The following NCOA2 variants were observed in gnomAD, a reference collection of about 807,000 sequenced individuals.
The protein encoded by NCOA2 is nuclear receptor coactivator 2, also known as class E basic helix-loop-helix protein 75.
A neutral mutation model predicts 145.1 loss-of-function variants in NCOA2; 21 were observed. The ratio of observed to expected loss-of-function variants is 0.14; its 90% CI spans 0.10 to 0.21. NCOA2 has a LOEUF of 0.21. NCOA2 is among the 10% of genes least tolerant of loss of function. NCOA2 has a pLI of 1.00. For synonymous variants in NCOA2, 619 were observed against 637.5 expected, an observed-to-expected ratio of 0.97 and a Z score of 0.44; for missense variants, 1,472 against 1,837.6, an observed-to-expected ratio of 0.80 and a Z score of 3.64.
rs1158099589 is a variant in NCOA2, at chr8:70,124,052, A to G, written c.4125T>C (p.Phe1375=). The stretch of plus-strand genomic sequence containing the variant: ...ACATGCTGGTGTTTGCTTGCTGCCC[A>G]AAGTGTGGTGGGGACTGCTGGGAAA... ...SMFSQQSPPH[F]GQQANTSMYS... Residue 1375 remains phenylalanine (F), a synonymous_variant, in exon 21 of 23, where the codon TTT becomes TTC. Transcript: ENST00000452400. 3 of 1,613,738 alleles carry G rather than the reference A, an allele frequency of 1.9e-6. No homozygotes were observed. Among genetic ancestry groups the G allele is most frequent in the Non-Finnish European group, 8.5e-7 (1 of 1,179,820 alleles).
chr8:70,197,294 A>G (rs1422388866), intron 4 of NCOA2, among the ~76,000 whole-genome samples: 2 of 152,060 alleles, frequency 1.3e-5, no homozygotes, highest in East Asian at 1.9e-4. Context: ...CAATCAATCA[A>G]TCATAGTACT....
rs146320698 is a variant in NCOA2, at chr8:70,257,774, C to T, written c.-20+38970G>A. On this transcript the variant is annotated intron_variant, in intron 2 of 22. Transcript: ENST00000452400. ...CCAGAAAACTTTTTCCCTGTTGTCC[C>T]TTGGCTTCAATGACACTGGCAGTAT... Among the ~76,000 whole-genome samples the T allele has an allele frequency of 2.6e-5, 4 of 152,018 alleles. No homozygotes were observed. In the East Asian group the frequency reaches 7.7e-4, roughly 29 times the overall value.
At chr8:70,384,500 CTAAATA>C (rs1812491987) in intron 1 of NCOA2, among the ~76,000 whole-genome samples, 1 of 152,136 alleles carries the variant, frequency 6.6e-6, no homozygotes. Context: ...TCTGAGAAAT[CTAAATA>C]TAATCTCTTT....
chr8:70,155,984 T>C lies in NCOA2; in HGVS notation c.2381A>G (p.Glu794Gly). 6.3e-7 allele frequency: 1 copy of C among 1,579,138 alleles called. No homozygotes were observed. The highest frequency in any genetic ancestry group is 1.7e-4 in the Middle Eastern group (1 of 5,860). ...MKTEKEEMSF[E>G]PGDQPGSELD... Reference sequence around the variant, plus strand: ...GATAAAACTTACCTGGTCACCAGGCTCAAAGCTCATCTCCTCCTTCTCAGT... The same window carrying C: ...GATAAAACTTACCTGGTCACCAGGCCCAAAGCTCATCTCCTCCTTCTCAGT... The change falls in exon 11 of 23, where the codon GAG becomes GGG. Residue 794 changes from glutamate (E) to glycine (G), a missense_variant. Glu to Gly is a moderately conservative substitution (Grantham distance 98, BLOSUM62 -2). Coordinates refer to ENST00000452400, the MANE Select transcript of NCOA2 (RefSeq NM_006540.4).
intron 19 of NCOA2, among the ~76,000 whole-genome samples, chr8:70,125,594 G>C (rs866349969): frequency 2.6e-5 from 4 of 152,112 alleles, no homozygotes; most frequent in Non-Finnish European, 5.9e-5. Flanking sequence ...TTAAAGTTCA[G>C]CTATATATCA....
intron 1 of NCOA2, among the ~76,000 whole-genome samples, chr8:70,389,702 CTT>C (rs1813013307): frequency 1.3e-5 from 2 of 151,984 alleles, no homozygotes; most frequent in Non-Finnish European, 2.9e-5. Context: ...GAGTTTTGCT[CTT>C]GTTGCCCAGG....
At position 70,120,750 on chromosome 8, in the gene NCOA2, AC is replaced by A. The variant is rs1418769212; in HGVS notation, c.4383+551del. Among the ~76,000 whole-genome samples the A allele has an allele frequency of 2.0e-5, 3 of 152,158 alleles. No homozygotes were observed. In the East Asian group the frequency reaches 5.8e-4, roughly 29 times the overall value. The stretch of plus-strand genomic sequence containing the variant: ...AAACAAAACAAAACAAAACAAAAAA[AC>A]AAAACAAAAAGAGAAGTGTTTAAGG... On this transcript the variant is annotated intron_variant, in intron 22 of 22. Coordinates refer to ENST00000452400, the MANE Select transcript of NCOA2 (RefSeq NM_006540.4).
intron 2 of NCOA2, among the ~76,000 whole-genome samples, chr8:70,242,597 A>G (rs545907292): frequency 7.7e-4 from 117 of 152,120 alleles, no homozygotes; most frequent in Non-Finnish European, 1.6e-3. Flanking sequence ...AGCAAATCCT[A>G]TAAGAGGTAC....
At chr8:70,331,732 TAC>T (rs1346335831) in intron 1 of NCOA2, among the ~76,000 whole-genome samples, 1 of 152,172 alleles carries the variant, frequency 6.6e-6, no homozygotes, top group Non-Finnish European at 1.5e-5. Flanking sequence ...TTTAAATGCT[TAC>T]ATTTAAATTT....
At chr8:70,194,362 A>C (rs1174445743) in intron 4 of NCOA2, among the ~76,000 whole-genome samples, 1 of 152,218 alleles carries the variant, frequency 6.6e-6, no homozygotes, top group Non-Finnish European at 1.5e-5. Context: ...TCAATGATGT[A>C]ATGAATACTG....
At chr8:70,402,348 A>T (rs1193704514) in intron 1 of NCOA2, 1 of 152,348 alleles carries the variant, frequency 6.6e-6, no homozygotes, top group Non-Finnish European at 1.5e-5. Context: ...TTCCCCTACC[A>T]GTGACGGACC....
At chr8:70,159,238 ATATATTTT>A (rs1219739756) in intron 10 of NCOA2, among the ~76,000 whole-genome samples, 1 of 93,384 alleles carries the variant, frequency 1.1e-5, no homozygotes, top group Non-Finnish European at 2.0e-5. Flanking sequence ...ATATATATAT[ATATATTTT>A]TTTTTTTTTC....
the NCOA2 span, among the ~76,000 whole-genome samples, chr8:70,412,397 T>TATA: frequency 6.7e-6 from 1 of 148,932 alleles, no homozygotes; most frequent in African/African-American, 2.4e-5. Flanking sequence ...ACAACATATT[T>TATA]TATATATATA....
At chr8:70,213,215 C>T (rs1819237690) in intron 4 of NCOA2, among the ~76,000 whole-genome samples, 1 of 151,582 alleles carries the variant, frequency 6.6e-6, no homozygotes, top group African/African-American at 2.4e-5. Flanking sequence ...AAACGTTGTT[C>T]ATACATGCCG....
At position 70,220,452 on chromosome 8, in the gene NCOA2, C is replaced by T. The variant is rs1294810662; in HGVS notation, c.-19-3688G>A. Among the ~76,000 whole-genome samples, 6 of 152,262 alleles carry T rather than the reference C, an allele frequency of 3.9e-5. No homozygotes were observed. In the South Asian group the frequency reaches 1.2e-3, roughly 32 times the overall value. ...AATCATCCATTCTTGTTATCTGTAA[C>T]AACACAATAGCCCTGTTTTCACAGT... On this transcript the variant is annotated intron_variant, in intron 2 of 22. Transcript: ENST00000452400.
chr8:70,197,329 T>G (rs1357336400), intron 4 of NCOA2, among the ~76,000 whole-genome samples: 1 of 152,220 alleles, frequency 6.6e-6, no homozygotes, highest in Admixed American at 6.5e-5. Flanking sequence ...TATTACTTCT[T>G]CTTTTTCTTA....
chr8:70,163,063 TACC>T (rs1174216445), intron 8 of NCOA2, among the ~76,000 whole-genome samples: 1 of 152,000 alleles, frequency 6.6e-6, no homozygotes, highest in Non-Finnish European at 1.5e-5. Flanking sequence ...TACAGGCGTG[TACC>T]ACCACATTTG....
chr8:70,327,735 T>C (rs1806722138), intron 1 of NCOA2, among the ~76,000 whole-genome samples: 9 of 152,106 alleles, frequency 5.9e-5, no homozygotes, highest in Admixed American at 5.2e-4. Flanking sequence ...ACACAGTAGA[T>C]ATTATGATTA....
chr8:70,423,473 GCTTTCTTTATA>G, the NCOA2 span, among the ~76,000 whole-genome samples: 1 of 152,112 alleles, frequency 6.6e-6, no homozygotes, highest in Admixed American at 6.6e-5. Flanking sequence ...CCGCGCCTGG[GCTTTCTTTATA>G]CTTTCTAATT....
Sources: gnomAD v4.1 joint callset for allele counts (sites outside exome capture counted in the v4.1 genomes callset) on GRCh38, gnomAD v4.1.1 for gene constraint, MANE v1.5 for transcripts, NCBI Gene and HGNC (gene_info 2026-07-23, HGNC 2026-07-21) for gene names.